ASAP1: variants seen among roughly 807,000 people sequenced by gnomAD.
ASAP1 encodes the protein ArfGAP with SH3 domain, ankyrin repeat and PH domain 1, also known as arf-GAP with SH3 domain, ANK repeat and PH domain-containing protein 1.
ASAP1 carries 43 observed loss-of-function variants against 145.2 expected under a neutral mutation model. That is an observed-to-expected ratio of 0.30 (90% CI 0.23 to 0.38). ASAP1 has a LOEUF of 0.38. Among genes scored for constraint, ASAP1 ranks in the 10% least tolerant of loss-of-function variants. The pLI, the probability that ASAP1 is intolerant of heterozygous loss-of-function variation, is 1.00. For synonymous variants in ASAP1, 546 were observed against 515.5 expected (o/e 1.06, Z -0.80); for missense variants, 1,018 against 1,355.3 (o/e 0.75, Z 3.91).
intron 3 of ASAP1, among the ~76,000 whole-genome samples, chr8:130,310,508 A>C (rs533534743): frequency 1.3e-5 from 2 of 152,266 alleles, no homozygotes; most frequent in South Asian, 4.1e-4. Flanking sequence ...CCACAAAGGC[A>C]ATTAAGTCAT....
chr8:130,255,845 C>T (rs150558552), intron 3 of ASAP1, among the ~76,000 whole-genome samples: 7 of 152,266 alleles, frequency 4.6e-5, no homozygotes, highest in African/African-American at 1.7e-4. Flanking sequence ...AATCCTCTTG[C>T]AAATTACATG....
At chr8:130,432,869 G>A (rs1242528101) in intron 1 of ASAP1, among the ~76,000 whole-genome samples, 2 of 152,182 alleles carry the variant, frequency 1.3e-5, no homozygotes, top group Non-Finnish European at 2.9e-5. Flanking sequence ...AGGGGAATAG[G>A]ACCCAGTGAT....
At chr8:130,430,104 G>A (rs577872202) in intron 1 of ASAP1, among the ~76,000 whole-genome samples, 46 of 152,244 alleles carry the variant, frequency 3.0e-4, no homozygotes, top group Middle Eastern at 3.4e-3. Context: ...CCAGGGCCCC[G>A]ATCCTTCTGG....
rs66587581 is a variant in ASAP1, at chr8:130,399,814, CTTTT to C, written c.59+2067_59+2070del. ...CAGAAGAAACAGAGAAAGTCAGTGT[CTTTT>C]TTTTTTTTTTTTTTTGAGACAGAGT... is the stretch of plus-strand genomic sequence containing the variant. On this transcript the variant is annotated intron_variant, in intron 2 of 29. Transcript: ENST00000518721. Among the ~76,000 whole-genome samples the C allele has an allele frequency of 3.1e-4, 38 of 124,538 alleles. No individual in the cohort carries two copies. The East Asian group carries it at 6.9e-3, about 22-fold the overall frequency. 81.7% of individuals were successfully genotyped at this position (124,538 alleles called of 152,430 possible). A position where few individuals can be genotyped will look rare whatever the true frequency, so the allele number is the denominator to read the frequency against.
chr8:130,116,279 G>C (rs1312819462), intron 22 of ASAP1, among the ~76,000 whole-genome samples: 1 of 152,152 alleles, frequency 6.6e-6, no homozygotes, highest in Non-Finnish European at 1.5e-5. Context: ...GAAGGGGAGG[G>C]GCTGGGAGAA....
intron 3 of ASAP1, among the ~76,000 whole-genome samples, chr8:130,326,402 G>A (rs1314459170): frequency 3.3e-5 from 5 of 152,154 alleles, no homozygotes; most frequent in Non-Finnish European, 7.3e-5. Context: ...TGCTGCAATA[G>A]GATCCCCAAT....
intron 3 of ASAP1, among the ~76,000 whole-genome samples, chr8:130,288,315 C>A (rs1457108227): frequency 6.9e-6 from 1 of 144,232 alleles, no homozygotes; most frequent in Non-Finnish European, 1.5e-5. Context: ...AGAACTCACT[C>A]CTTAGGGTAA....
intron 20 of ASAP1, 23 bp from the exon 21 acceptor site, chr8:130,117,018 GA>G: frequency 1.3e-6 from 2 of 1,527,982 alleles, no homozygotes; most frequent in African/African-American, 1.4e-5. Flanking sequence ...ATGATGATTA[GA>G]AAAAAATGAC....
chr8:130,056,236 C>A (rs762097335), intron 29 of ASAP1, among the ~76,000 whole-genome samples: 1 of 152,234 alleles, frequency 6.6e-6, no homozygotes, highest in Non-Finnish European at 1.5e-5. Context: ...GAGCTAGTAA[C>A]TGATTCACGT....
intron 1 of ASAP1, among the ~76,000 whole-genome samples, chr8:130,414,598 T>A (rs761464740): frequency 1.2e-4 from 18 of 152,344 alleles, no homozygotes; most frequent in Non-Finnish European, 2.2e-4. Context: ...AATACACACA[T>A]AACTGATGCT....
intron 17 of ASAP1, among the ~76,000 whole-genome samples, chr8:130,125,513 A>C (rs2097573575): frequency 6.6e-6 from 1 of 152,252 alleles, no homozygotes; most frequent in African/African-American, 2.4e-5. Context: ...TTATGACAAT[A>C]GTTAACAAGC....
At chr8:130,386,867 A>G (rs1217014680) in intron 2 of ASAP1, 2 of 152,192 alleles carry the variant, frequency 1.3e-5, no homozygotes, top group Non-Finnish European at 2.9e-5. Flanking sequence ...CTTGGCAAGC[A>G]TGTTTGCACC....
intron 3 of ASAP1, among the ~76,000 whole-genome samples, chr8:130,353,627 T>C (rs921411583): frequency 2.6e-5 from 4 of 152,196 alleles, no homozygotes; most frequent in Non-Finnish European, 4.4e-5. Flanking sequence ...CCCAGCACTT[T>C]GGAAGGCTAA....
At chr8:130,231,546 T>C (rs1817907793) in intron 4 of ASAP1, among the ~76,000 whole-genome samples, 1 of 152,132 alleles carries the variant, frequency 6.6e-6, no homozygotes, top group African/African-American at 2.4e-5. Flanking sequence ...CATATAATAA[T>C]ATGTTCATTT....
At chr8:130,182,831 C>CAAAAAAAAAAAAAAAAAAAAAAA (rs35195899) in intron 7 of ASAP1, among the ~76,000 whole-genome samples, 1 of 73,596 alleles carries the variant, frequency 1.4e-5, no homozygotes, top group Non-Finnish European at 2.6e-5. Flanking sequence ...TATAAAAAGG[C>CAAAAAAAAAAAAAAAAAAAAAAA]AAAAAAAAAA....
At chr8:130,188,240 T>C in intron 5 of ASAP1, 57 bp from the exon 6 acceptor site, 1 of 1,335,562 alleles carries the variant, frequency 7.5e-7, no homozygotes, top group Non-Finnish European at 1.1e-6. Context: ...ACATGAACAA[T>C]AAAACCAGCT....
At chr8:130,085,464 G>A (rs549764546) in intron 25 of ASAP1, among the ~76,000 whole-genome samples, 6 of 152,326 alleles carry the variant, frequency 3.9e-5, no homozygotes, top group African/African-American at 1.4e-4. Context: ...ACCGGGTGAA[G>A]AGGCTCACGC....
chr8:130,092,546 G>A (rs1348263526), intron 24 of ASAP1, among the ~76,000 whole-genome samples: 3 of 152,174 alleles, frequency 2.0e-5, no homozygotes, highest in African/African-American at 7.2e-5. Context: ...AGGATCACTT[G>A]AAGTCAGGAG....
chr8:130,087,168 G>C (rs542867348), intron 25 of ASAP1, among the ~76,000 whole-genome samples: 4 of 152,274 alleles, frequency 2.6e-5, no homozygotes, highest in Non-Finnish European at 5.9e-5. Flanking sequence ...AATGTCAGAG[G>C]TGCCCCTGAG....
Sources: gnomAD v4.1 joint callset for allele counts (sites outside exome capture counted in the v4.1 genomes callset) on GRCh38, gnomAD v4.1.1 for gene constraint, MANE v1.5 for transcripts, NCBI Gene and HGNC (gene_info 2026-07-23, HGNC 2026-07-21) for gene names.